Variants in YAE1 observed in about 807,000 individuals in gnomAD.
YAE1 encodes protein YAE1 homolog.
Under a neutral mutation model 23.0 loss-of-function variants are expected in YAE1, and 22 were observed. The observed-to-expected ratio is 0.96, with a 90% confidence interval of 0.68 to 1.37. YAE1 has a LOEUF of 1.37. Ranked by LOEUF, YAE1 falls within the 40% of genes most tolerant of loss-of-function variation. The pLI is 0.00. For missense variants in YAE1, 260 were observed against 262.1 expected, an observed-to-expected ratio of 0.99 and a Z score of 0.06; for synonymous variants, 101 against 97.0, an observed-to-expected ratio of 1.04 and a Z score of -0.24.
intron 2 of YAE1, among the ~76,000 whole-genome samples, chr7:39,607,071 C>T (rs1791140030): frequency 6.6e-6 from 1 of 152,170 alleles, no homozygotes; most frequent in South Asian, 2.1e-4. Context: ...CAAGTATTCG[C>T]TACATAATGG....
At chr7:39,581,377 C>T (rs931349616) in intron 2 of YAE1, among the ~76,000 whole-genome samples, 2 of 152,026 alleles carry the variant, frequency 1.3e-5, no homozygotes, top group Admixed American at 6.6e-5. Flanking sequence ...AGAGATTTGA[C>T]AATAGTATAA....
intron 2 of YAE1, among the ~76,000 whole-genome samples, chr7:39,609,043 A>G: frequency 6.6e-6 from 1 of 152,184 alleles, no homozygotes; most frequent in East Asian, 1.9e-4. Context: ...TCAGTCCAAC[A>G]TGTCAGAAAT....
intron 1 of YAE1, 96 bp downstream of exon 1, chr7:39,566,643 C>G (rs1178191623): frequency 1.0e-4 from 159 of 1,527,456 alleles, no homozygotes; most frequent in Non-Finnish European, 1.4e-4. Context: ...CCTGGCCCGG[C>G]GCTGCTCTCT....
intron 2 of YAE1, among the ~76,000 whole-genome samples, chr7:39,601,652 G>A (rs745316015): frequency 4.0e-5 from 6 of 151,576 alleles, no homozygotes; most frequent in Non-Finnish European, 5.9e-5. Flanking sequence ...CCAGCTGCTC[G>A]GGAGGCTGAG....
intron 2 of YAE1, among the ~76,000 whole-genome samples, chr7:39,594,157 T>G (rs80091886): frequency 0.028 from 4,307 of 152,324 alleles, 206 homozygotes; most frequent in African/African-American, 0.096. Flanking sequence ...TTCCATTCTT[T>G]TAGCCATGTA....
At chr7:39,570,232 C>T (rs1457465709) in intron 1 of YAE1, 9 of 623,532 alleles carry the variant, frequency 1.4e-5, no homozygotes, top group South Asian at 4.1e-5. Context: ...GCAAGCGTGG[C>T]GGCCCAACAC....
At chr7:39,604,956 T>C (rs1176095102) in intron 2 of YAE1, among the ~76,000 whole-genome samples, 3 of 152,212 alleles carry the variant, frequency 2.0e-5, no homozygotes, top group Admixed American at 6.5e-5. Flanking sequence ...TGAAATAGAA[T>C]ATAGACTTAC....
intron 2 of YAE1, among the ~76,000 whole-genome samples, chr7:39,603,433 C>T (rs1017379147): frequency 6.6e-6 from 1 of 152,124 alleles, no homozygotes; most frequent in African/African-American, 2.4e-5. Flanking sequence ...CCACCGCGCC[C>T]GGCTCATGTG....
chr7:39,581,262 C>A lies in YAE1; in HGVS notation c.251+10635C>A, dbSNP rs545801441. 2.4e-3 allele frequency among the ~76,000 whole-genome samples: 362 copies of A among 152,276 alleles called. 1 individual carries two copies. Among genetic ancestry groups the A allele is most frequent in the African/African-American group, 8.5e-3 (353 of 41,554 alleles). On this transcript the variant is annotated intron_variant, in intron 2 of 2. Coordinates refer to the YAE1 transcript ENST00000432096. ...TTATTAATGACATAGTCATCGTTAT[C>A]TATGTAACATGGCTTTGTTATTTAT...
At chr7:39,598,399 G>A (rs772331141) in intron 2 of YAE1, among the ~76,000 whole-genome samples, 83 of 144,672 alleles carry the variant, frequency 5.7e-4, no homozygotes, top group Admixed American at 1.1e-3. Context: ...ATAAGCCACC[G>A]CACCTGGGCC....
At chr7:39,581,727 C>T (rs1451922853) in intron 2 of YAE1, among the ~76,000 whole-genome samples, 1 of 151,674 alleles carries the variant, frequency 6.6e-6, no homozygotes, top group Non-Finnish European at 1.5e-5. Context: ...CAAAATCAAC[C>T]GGGCATGGTA....
intron 2 of YAE1, among the ~76,000 whole-genome samples, chr7:39,584,408 T>G (rs765765830): frequency 6.6e-6 from 1 of 151,978 alleles, no homozygotes; most frequent in Non-Finnish European, 1.5e-5. Flanking sequence ...GCATCCTTCA[T>G]GACTTTCAAA....
At chr7:39,597,090 G>T (rs962705385) in intron 2 of YAE1, among the ~76,000 whole-genome samples, 3 of 152,212 alleles carry the variant, frequency 2.0e-5, no homozygotes, top group East Asian at 1.9e-4. Context: ...GAAATACAAG[G>T]CTTGTCCCTT....
chr7:39,567,159 G>A (rs1018232067), intron 1 of YAE1: 4 of 152,174 alleles, frequency 2.6e-5, no homozygotes, highest in African/African-American at 9.7e-5. Flanking sequence ...TCTGGGTGAG[G>A]ACCAAATAGT....
chr7:39,603,980 CTT>C (rs1304955398), intron 2 of YAE1, among the ~76,000 whole-genome samples: 2 of 152,158 alleles, frequency 1.3e-5, no homozygotes, highest in Non-Finnish European at 2.9e-5. Flanking sequence ...ATTAAGATGA[CTT>C]TGGTTGCAAG....
intron 2 of YAE1, among the ~76,000 whole-genome samples, chr7:39,578,343 T>A (rs888913202): frequency 5.3e-5 from 8 of 152,160 alleles, no homozygotes; most frequent in African/African-American, 1.4e-4. Context: ...ATCAGCAAGA[T>A]GTGGGTGGGG....
chr7:39,581,132 C>G (rs568986431), intron 2 of YAE1, among the ~76,000 whole-genome samples: 1 of 152,290 alleles, frequency 6.6e-6, no homozygotes, highest in South Asian at 2.1e-4. Context: ...ACTTTGTTAA[C>G]CTACTCAAAT....
At chr7:39,570,385 A>C in intron 1 of YAE1, 121 bp from the exon 2 acceptor site, 2 of 1,133,116 alleles carry the variant, frequency 1.8e-6, no homozygotes, top group Non-Finnish European at 2.6e-6. Context: ...ATGCCATATT[A>C]TGGTCAGTAA....
At chr7:39,582,089 A>G (rs541990885) in intron 2 of YAE1, among the ~76,000 whole-genome samples, 6 of 152,044 alleles carry the variant, frequency 3.9e-5, no homozygotes, top group African/African-American at 1.4e-4. Context: ...CCAGCTTCTG[A>G]GAACTGTGTC....
Sources: gnomAD v4.1 joint callset for allele counts (sites outside exome capture counted in the v4.1 genomes callset) on GRCh38, gnomAD v4.1.1 for gene constraint, MANE v1.5 for transcripts, NCBI Gene and HGNC (gene_info 2026-07-23, HGNC 2026-07-21) for gene names.